The following DIAPH2 variants were observed in gnomAD, a reference collection of about 807,000 sequenced individuals.
DIAPH2 encodes protein diaphanous homolog 2.
A neutral mutation model predicts 92.7 loss-of-function variants in DIAPH2; 35 were observed. The ratio of observed to expected loss-of-function variants is 0.38; its 90% CI spans 0.29 to 0.50. The LOEUF is 0.50. DIAPH2 is among the 20% of genes least tolerant of loss of function. The probability of loss-of-function intolerance (pLI) is 0.94; values close to 1 mark genes in which losing one functional copy is unlikely to be tolerated. For missense variants in DIAPH2, 701 were observed against 819.5 expected (o/e 0.86, Z 1.77); for synonymous variants, 301 against 280.4 (o/e 1.07, Z -0.73).
At position 97,603,724 on chromosome X, in the gene DIAPH2, C is replaced by G. The variant is rs1396684396; in HGVS notation, c.*4407C>G. On this transcript the variant is annotated 3_prime_UTR_variant, in exon 27 of 27. Transcript: ENST00000324765. ...GTAGTAGACAATTTAGATAGATAAACTTTTTGCCACTATATGACAAGGATT... is the reference window on the plus strand; with the variant it reads ...GTAGTAGACAATTTAGATAGATAAAGTTTTTGCCACTATATGACAAGGATT... 1 of 112,241 alleles carries G rather than the reference C, an allele frequency of 8.9e-6. No homozygotes were observed. The highest frequency in any genetic ancestry group is 1.9e-5 in the Non-Finnish European group (1 of 53,300). The allele number at this position is 112,241 out of a possible 1,213,427, so 9.2% of individuals were successfully genotyped here. A position where few individuals can be genotyped will look rare whatever the true frequency, so the allele number is the denominator to read the frequency against.
chrX:96,762,323 G>T lies in DIAPH2; in HGVS notation c.447+4065G>T, dbSNP rs550768021. On this transcript the variant is annotated intron_variant, in intron 4 of 26. Coordinates refer to ENST00000324765, the MANE Select transcript of DIAPH2 (RefSeq NM_006729.5). ...CTTATCCATTAGGAAAGCTCAGTTG[G>T]AGCTGCAATTTTTGAACTATTTCCT... Among the ~76,000 whole-genome samples, 5 of 111,236 alleles carry T rather than the reference G, an allele frequency of 4.5e-5. No homozygotes were observed. In the South Asian group the frequency reaches 1.9e-3, roughly 41 times the overall value.
intron 19 of DIAPH2, among the ~76,000 whole-genome samples, chrX:97,084,983 G>A (rs1017952496): frequency 5.4e-5 from 6 of 111,826 alleles, no homozygotes; most frequent in Non-Finnish European, 1.1e-4. Context: ...CTTTGGTGTT[G>A]TAAAATTTAG....
chrX:96,776,678 T>G (rs2064379907), intron 4 of DIAPH2, among the ~76,000 whole-genome samples: 1 of 110,307 alleles, frequency 9.1e-6, no homozygotes, highest in Admixed American at 9.8e-5. Context: ...CTTTGAGATT[T>G]GTGGTAGTAA....
At chrX:97,087,896 CTTCT>C (rs1034716273) in intron 19 of DIAPH2, among the ~76,000 whole-genome samples, 2 of 110,486 alleles carry the variant, frequency 1.8e-5, no homozygotes, top group Non-Finnish European at 3.8e-5. Flanking sequence ...TCCCCTCTCT[CTTCT>C]TTGATCCCAG....
chrX:96,706,575 A>T (rs998029579), intron 1 of DIAPH2, among the ~76,000 whole-genome samples: 1 of 111,904 alleles, frequency 8.9e-6, no homozygotes, highest in Non-Finnish European at 1.9e-5. Context: ...GTTGGGAGAG[A>T]TGAAAGTAGG....
At chrX:96,900,084 AT>A (rs1885923683) in intron 5 of DIAPH2, among the ~76,000 whole-genome samples, 2 of 111,914 alleles carry the variant, frequency 1.8e-5, no homozygotes, top group Non-Finnish European at 3.8e-5. Context: ...TTTTCACAAT[AT>A]TGGTTCTACC....
At chrX:96,815,951 G>A (rs1233740375) in intron 4 of DIAPH2, among the ~76,000 whole-genome samples, 3 of 111,466 alleles carry the variant, frequency 2.7e-5, no homozygotes, top group Admixed American at 9.5e-5. Context: ...GATTACAGGC[G>A]TGAGCCACCG....
rs1569430424 is a variant in DIAPH2, at chrX:96,937,236, C to T, written c.1093C>T (p.Leu365=). 2 of 1,094,526 alleles carry T rather than the reference C, an allele frequency of 1.8e-6. No homozygotes were observed. The highest frequency in any genetic ancestry group is 2.5e-6 in the Non-Finnish European group (2 of 808,754). The allele number at this position is 1,094,526 out of a possible 1,213,427, so 90.2% of individuals were successfully genotyped here. A position where few individuals can be genotyped will look rare whatever the true frequency, so the allele number is the denominator to read the frequency against. Reference sequence around the variant, plus strand: ...AAATTTTATGTTTATATATTAGGATCTAAAAGAAAAAGAGAATGATGAGCT... The same window carrying T: ...AAATTTTATGTTTATATATTAGGATTTAAAAGAAAAAGAGAATGATGAGCT... ...RSGLKTMLPD[L]KEKENDELDI... The change falls in exon 11 of 27, where the codon CTA becomes TTA. Residue 365 remains leucine (L), a synonymous_variant. Coordinates refer to ENST00000324765, the MANE Select transcript of DIAPH2 (RefSeq NM_006729.5).
Position 97,095,098 on chromosome X carries a change from C to CTTTTTTTTTTTTTT in DIAPH2, c.2248-4573_2248-4560dup, listed in dbSNP as rs61350837. ...GACTTTTAGGGAAATGTTTCTTTTT[C>CTTTTTTTTTTTTTT]TTTTTTTTTTTTTTTTTTTTTTTTT... On this transcript the variant is annotated intron_variant, in intron 19 of 26. Transcript: ENST00000324765. Among the ~76,000 whole-genome samples the CTTTTTTTTTTTTTT allele has an allele frequency of 5.8e-4, 13 of 22,412 alleles. 4 individuals are homozygous for CTTTTTTTTTTTTTT. Among genetic ancestry groups the CTTTTTTTTTTTTTT allele is most frequent in the Non-Finnish European group, 9.9e-4 (11 of 11,110 alleles). The allele number at this position is 22,412 out of a possible 115,157, so 19.5% of individuals were successfully genotyped here.
At chrX:97,070,577 G>A (rs2066662877) in intron 17 of DIAPH2, among the ~76,000 whole-genome samples, 1 of 111,266 alleles carries the variant, frequency 9.0e-6, no homozygotes, top group Non-Finnish European at 1.9e-5. Flanking sequence ...AAAACAAGAA[G>A]GCCAAAGGCA....
At chrX:97,066,267 C>G (rs2147907061) in intron 17 of DIAPH2, among the ~76,000 whole-genome samples, 1 of 111,843 alleles carries the variant, frequency 8.9e-6, no homozygotes, top group Admixed American at 9.5e-5. Flanking sequence ...CATTTTTTAT[C>G]TTTTATATCA....
chrX:97,538,611 A>G (rs1455024552), intron 26 of DIAPH2, among the ~76,000 whole-genome samples: 1 of 112,130 alleles, frequency 8.9e-6, no homozygotes, highest in Non-Finnish European at 1.9e-5. Flanking sequence ...AGTTTTTACT[A>G]AAGTTAAAGA....
chrX:96,898,557 A>C, intron 5 of DIAPH2, among the ~76,000 whole-genome samples: 1 of 101,491 alleles, frequency 9.9e-6, no homozygotes, highest in Middle Eastern at 4.9e-3. Flanking sequence ...TCCTTCGCCC[A>C]CTTTTTGATG....
chrX:97,585,595 A>C (rs937516291), intron 26 of DIAPH2, among the ~76,000 whole-genome samples: 2 of 110,354 alleles, frequency 1.8e-5, no homozygotes, highest in African/African-American at 6.6e-5. Flanking sequence ...AAAAAAAAAA[A>C]AACTATTGAG....
At chrX:96,823,425 A>C (rs1390080096) in intron 4 of DIAPH2, among the ~76,000 whole-genome samples, 2 of 111,369 alleles carry the variant, frequency 1.8e-5, no homozygotes, top group Non-Finnish European at 3.8e-5. Context: ...AGTAAATGAT[A>C]AAGCAGAATG....
chrX:97,034,004 A>G (rs762786879), intron 17 of DIAPH2, among the ~76,000 whole-genome samples: 1 of 111,388 alleles, frequency 9.0e-6, no homozygotes, highest in Admixed American at 9.6e-5. Flanking sequence ...TAAGTTATTG[A>G]TAATGTAACA....
intron 5 of DIAPH2, among the ~76,000 whole-genome samples, chrX:96,909,973 A>G (rs2065459266): frequency 1.8e-5 from 2 of 111,099 alleles, no homozygotes; most frequent in Non-Finnish European, 3.8e-5. Flanking sequence ...TCAGAATTTT[A>G]GAAACAATTT....
intron 22 of DIAPH2, among the ~76,000 whole-genome samples, chrX:97,196,254 G>A (rs987544900): frequency 3.6e-5 from 4 of 110,468 alleles, no homozygotes; most frequent in Non-Finnish European, 7.6e-5. Flanking sequence ...ATGCACATAC[G>A]TGTGTATAGT....
intron 22 of DIAPH2, among the ~76,000 whole-genome samples, chrX:97,216,852 A>AT (rs1178934533): frequency 9.0e-6 from 1 of 111,342 alleles, no homozygotes; most frequent in Admixed American, 9.6e-5. Context: ...GCACTTATCG[A>AT]TTTTCCGCCT....
Sources: allele counts gnomAD v4.1 joint callset (sites outside exome capture counted in the v4.1 genomes callset), GRCh38; gene constraint gnomAD v4.1.1; transcripts MANE v1.5; gene names NCBI Gene and HGNC (gene_info 2026-07-23, HGNC 2026-07-21).